Variants in CACNB3 observed in about 807,000 individuals in gnomAD.
CACNB3 encodes calcium voltage-gated channel auxiliary subunit beta 3.
In CACNB3, 36 loss-of-function variants were observed where a neutral mutation model predicts 63.7. The ratio of observed to expected loss-of-function variants is 0.57; its 90% CI spans 0.43 to 0.75. The LOEUF (loss-of-function observed/expected upper bound fraction) is 0.75, where lower values mean the gene tolerates loss of function less well. Among genes scored for constraint, CACNB3 ranks in the 30% least tolerant of loss-of-function variants. The pLI is 0.00. For missense variants in CACNB3, 493 were observed against 648.6 expected, an observed-to-expected ratio of 0.76 and a Z score of 2.61; for synonymous variants, 241 against 250.6, an observed-to-expected ratio of 0.96 and a Z score of 0.36.
At chr12:48,815,357 T>A, upstream of CACNB3, 1 of 341,724 alleles carries the variant, frequency 2.9e-6, no homozygotes, top group South Asian at 3.3e-5. Flanking sequence ...GGGTGCGACG[T>A]GGGGATGGAA....
At position 48,826,384 on chromosome 12, in the gene CACNB3, A is replaced by T; in HGVS notation, c.760A>T (p.Ile254Phe). The change falls in exon 10 of 13, where the codon ATC becomes TTC. Residue 254 changes from isoleucine (I) to phenylalanine (F), a missense_variant. Transcript: ENST00000301050. The surrounding 1 kb of genome is among the most constrained non-coding windows in gnomAD (Gnocchi z 4.8). ...CTCCATAGCGGAAGTGCAGAGTGAG[A>T]TCGAGCGCATATTTGAGCTGGCCAA... ...RSSIAEVQSE[I>F]ERIFELAKSL... 6.2e-7 allele frequency: 1 copy of T among 1,614,126 alleles called. No individual in the cohort carries two copies. The highest frequency in any genetic ancestry group is 8.5e-7 in the Non-Finnish European group (1 of 1,180,036).
At chr12:48,817,066 A>C (rs1223229448), upstream of CACNB3, 1 of 904,714 alleles carries the variant, frequency 1.1e-6, no homozygotes, top group African/African-American at 1.8e-5. Context: ...ACCAAACCCC[A>C]GTTGGTGCTG....
chr12:48,827,122 A>G lies in CACNB3; in HGVS notation c.1139A>G (p.Gln380Arg). 6.2e-7 allele frequency: 1 copy of G among 1,612,216 alleles called. No individual in the cohort carries two copies. Reference protein sequence around the residue: ...LGPPSAIPGLQNQQLLGERGE... With the variant: ...LGPPSAIPGLRNQQLLGERGE... ...CCTCCCAGTGCCATCCCCGGACTTCAGGTAACCATTTCCAGTGGGCAGAGA... is the reference window on the plus strand; with the variant it reads ...CCTCCCAGTGCCATCCCCGGACTTCGGGTAACCATTTCCAGTGGGCAGAGA... The change falls in exon 12 of 13, where the codon CAG becomes CGG. Residue 380 changes from glutamine (Q) to arginine (R), a missense_variant and splice_region_variant. Gln to Arg is a conservative substitution (Grantham distance 43, BLOSUM62 1). Coordinates refer to ENST00000301050, the MANE Select transcript of CACNB3 (RefSeq NM_000725.4).
At chr12:48,827,175 G>GC in intron 12 of CACNB3, 52 bp downstream of exon 12, 1 of 1,591,538 alleles carries the variant, frequency 6.3e-7, no homozygotes, top group Non-Finnish European at 8.6e-7. Flanking sequence ...CCAAGGCACT[G>GC]CCCCTCCCTG....
intron 12 of CACNB3, 88 bp from the exon 13 acceptor site, chr12:48,827,497 A>G (rs374893228): frequency 6.6e-6 from 8 of 1,215,372 alleles, no homozygotes; most frequent in South Asian, 2.8e-5. Flanking sequence ...CGGGGAATTG[A>G]GAGTTGAGGG....
chr12:48,823,940 C>A lies in CACNB3; in HGVS notation c.291+137C>A. 2 of 1,085,462 alleles carry A rather than the reference C, an allele frequency of 1.8e-6. No homozygotes were observed. The highest frequency in any genetic ancestry group is 2.6e-6 in the Non-Finnish European group (2 of 755,620). The allele number at this position is 1,085,462 out of a possible 1,614,324, so 67.2% of individuals were successfully genotyped here. ...CTTCTCCTTAACACACACCTGTCCA[C>A]CCCTCATATCTAAGATCTCATCCCC... On this transcript the variant is annotated intron_variant, in intron 3 of 12. Coordinates refer to ENST00000301050, the MANE Select transcript of CACNB3 (RefSeq NM_000725.4). This position sits in a 1 kb window ranked among gnomAD's most constrained non-coding sequence, Gnocchi z 4.2.
At chr12:48,815,360 G>A (rs1481088231), upstream of CACNB3, 4 of 389,444 alleles carry the variant, frequency 1.0e-5, no homozygotes, top group Non-Finnish European at 1.9e-5. Context: ...TGCGACGTGG[G>A]GATGGAAGGA....
Position 48,818,514 on chromosome 12 carries a change from C to T in CACNB3, c.-416C>T. On this transcript the variant is annotated 5_prime_UTR_variant, in exon 1 of 13. Transcript: ENST00000301050. The surrounding 1 kb of genome is among the most constrained non-coding windows in gnomAD (Gnocchi z 4.3). ...CTCTCCTCCCCTTCCTCCCCGCCGC[C>T]ACGGCCCCGTAGGTGCTCGGGGACC... 9.9e-7 allele frequency: 1 copy of T among 1,006,978 alleles called. No homozygotes were observed. Among genetic ancestry groups the T allele is most frequent in the Non-Finnish European group, 1.2e-6 (1 of 844,522 alleles). The allele number at this position is 1,006,978 out of a possible 1,614,324, so 62.4% of individuals were successfully genotyped here. A position where few individuals can be genotyped will look rare whatever the true frequency, so the allele number is the denominator to read the frequency against.
rs770917870 is a variant in CACNB3, at chr12:48,823,406, C to T, written c.108C>T (p.Asp36=). The change falls in exon 2 of 13, where the codon GAC becomes GAT. Residue 36 remains aspartate (D), a synonymous_variant. Transcript: ENST00000301050. This position sits in a 1 kb window ranked among gnomAD's most constrained non-coding sequence, Gnocchi z 4.2. ...ACTCAGACGTCTCCCTGGAGGAGGA[C>T]CGGGAGAGTGCCCGGCGTGAAGTAG... ...SLDSDVSLEE[D]RESARREVES... 8.1e-6 allele frequency: 13 copies of T among 1,614,150 alleles called. 1 individual carries two copies. In the South Asian group the frequency reaches 1.4e-4, roughly 18 times the overall value.
Position 48,828,328 on chromosome 12 carries a change from G to C in CACNB3, c.*429G>C, listed in dbSNP as rs1039792703. ...AAACAAGGTCCCTGAGCAGGCACAAGTCCTGACAGTCAAGGGACTGCTTTG... is the reference window on the plus strand; with the variant it reads ...AAACAAGGTCCCTGAGCAGGCACAACTCCTGACAGTCAAGGGACTGCTTTG... On this transcript the variant is annotated 3_prime_UTR_variant, in exon 13 of 13. Coordinates refer to ENST00000301050, the MANE Select transcript of CACNB3 (RefSeq NM_000725.4). 6.5e-6 allele frequency: 2 copies of C among 308,984 alleles called. No homozygotes were observed. Among genetic ancestry groups the C allele is most frequent in the Non-Finnish European group, 1.3e-5 (2 of 157,270 alleles). 19.1% of individuals were successfully genotyped at this position (308,984 alleles called of 1,614,324 possible).
Position 48,828,091 on chromosome 12 carries a change from G to A in CACNB3, c.*192G>A. The stretch of plus-strand genomic sequence containing the variant: ...AAACAGGGGACCCCCTCACCTCCTG[G>A]GCAGTGACCCCTACTAGGCTCCCAT... On this transcript the variant is annotated 3_prime_UTR_variant, in exon 13 of 13. Coordinates refer to ENST00000301050, the MANE Select transcript of CACNB3 (RefSeq NM_000725.4). 1 of 605,944 alleles carries A rather than the reference G, an allele frequency of 1.7e-6. No individual in the cohort carries two copies. The highest frequency in any genetic ancestry group is 4.4e-4 in the Middle Eastern group (1 of 2,272). The allele number at this position is 605,944 out of a possible 1,614,324, so 37.5% of individuals were successfully genotyped here.
In CACNB3 at chr12:48,827,593, G is replaced by T. The variant is rs368467039; in HGVS notation, c.1149G>T (p.Gln383His). The change falls in exon 13 of 13, where the codon CAG becomes CAT. Residue 383 changes from glutamine (Q) to histidine (H), a missense_variant. Gln to His is a conservative substitution (Grantham distance 24). Coordinates refer to ENST00000301050, the MANE Select transcript of CACNB3 (RefSeq NM_000725.4). ...TGTTGTATGGCCCCCAGAACCAGCA[G>T]CTGCTGGGGGAGCGTGGCGAGGAGC... ...PSAIPGLQNQ[Q>H]LLGERGEEHS... 5.0e-6 allele frequency: 8 copies of T among 1,612,364 alleles called. No individual in the cohort carries two copies. The South Asian group carries it at 7.7e-5, about 15-fold the overall frequency.
Position 48,825,785 on chromosome 12 carries a change from C to G in CACNB3, c.742+16C>G. 6.3e-7 allele frequency: 1 copy of G among 1,584,870 alleles called. No individual in the cohort carries two copies. The highest frequency in any genetic ancestry group is 1.1e-5 in the South Asian group (1 of 90,460). ...TCCAGCATTGGTGAGAAGTCCCCAC[C>G]ACCTGCTTCTGTGCCCACTCAAGTG... On this transcript the variant is annotated intron_variant, in intron 9 of 12. Coordinates refer to ENST00000301050, the MANE Select transcript of CACNB3 (RefSeq NM_000725.4). The surrounding 1 kb of genome is among the most constrained non-coding windows in gnomAD (Gnocchi z 4.5).
At chr12:48,815,931 G>A (rs1942278261), upstream of CACNB3, among the ~76,000 whole-genome samples, 1 of 152,164 alleles carries the variant, frequency 6.6e-6, no homozygotes, top group African/African-American at 2.4e-5. Context: ...CAGCTTCCTA[G>A]TACTGGGATT....
At chr12:48,815,792 C>T, upstream of CACNB3, 1 of 1,069,636 alleles carries the variant, frequency 9.3e-7, no homozygotes. Flanking sequence ...AGGAGAGCTC[C>T]GCTCCAAGCT....
At position 48,823,511 on chromosome 12, in the gene CACNB3, G is replaced by A. The variant is rs1338731459; in HGVS notation, c.168+45G>A. 4 of 1,606,664 alleles carry A rather than the reference G, an allele frequency of 2.5e-6. No homozygotes were observed. The highest frequency in any genetic ancestry group is 2.6e-6 in the Non-Finnish European group (3 of 1,176,114). ...GGCAAGACAGGAGGCCAAGCTAGGT[G>A]GAAACCTGCACTCGGTCCTAAGTCC... is the stretch of plus-strand genomic sequence containing the variant. On this transcript the variant is annotated intron_variant, in intron 2 of 12. Coordinates refer to ENST00000301050, the MANE Select transcript of CACNB3 (RefSeq NM_000725.4). The surrounding 1 kb of genome is among the most constrained non-coding windows in gnomAD (Gnocchi z 4.2).
upstream of CACNB3, among the ~76,000 whole-genome samples, chr12:48,816,204 G>C (rs560749705): frequency 6.6e-6 from 1 of 152,268 alleles, no homozygotes; most frequent in East Asian, 1.9e-4. Context: ...ACACTTAGAG[G>C]AGAAGCTAGA....
rs899583509 is a variant in CACNB3, at chr12:48,828,669, G to A, written c.*770G>A. The A allele has an allele frequency of 4.4e-6, 2 of 456,298 alleles. No homozygotes were observed. The highest frequency in any genetic ancestry group is 6.9e-5 in the East Asian group (1 of 14,412). The allele number at this position is 456,298 out of a possible 1,614,324, so 28.3% of individuals were successfully genotyped here. ...AGGGCATGTGTAGCAGAGAACTTAG[G>A]GGGGCCTCCTTGCCTTTCTCATTCT... On this transcript the variant is annotated 3_prime_UTR_variant, in exon 13 of 13. Coordinates refer to ENST00000301050, the MANE Select transcript of CACNB3 (RefSeq NM_000725.4).
Position 48,825,564 on chromosome 12 carries a change from C to T in CACNB3, c.632+72C>T. 1 of 1,584,676 alleles carries T rather than the reference C, an allele frequency of 6.3e-7. No homozygotes were observed. The highest frequency in any genetic ancestry group is 8.7e-7 in the Non-Finnish European group (1 of 1,153,304). On this transcript the variant is annotated intron_variant, in intron 8 of 12. Coordinates refer to ENST00000301050, the MANE Select transcript of CACNB3 (RefSeq NM_000725.4). The surrounding 1 kb of genome is among the most constrained non-coding windows in gnomAD (Gnocchi z 4.5). ...ATGGCCTACTTCCAGATGCCTGTAGCTAGTCTTCTCTAAGGGAAGAGTTAG... is the reference window on the plus strand; with the variant it reads ...ATGGCCTACTTCCAGATGCCTGTAGTTAGTCTTCTCTAAGGGAAGAGTTAG...
Sources: allele counts gnomAD v4.1 joint callset (sites outside exome capture counted in the v4.1 genomes callset), GRCh38; gene constraint gnomAD v4.1.1; non-coding constraint Gnocchi (gnomAD v3.1); transcripts MANE v1.5; gene names NCBI Gene and HGNC (gene_info 2026-07-23, HGNC 2026-07-21).